The following L3MBTL4 variants were observed in gnomAD, a reference collection of about 807,000 sequenced individuals.
The protein encoded by L3MBTL4 is lethal(3)malignant brain tumor-like protein 4.
L3MBTL4 carries 70 observed loss-of-function variants against 84.5 expected under a neutral mutation model. The observed-to-expected ratio is 0.83, with a 90% CI of 0.68 to 1.01. L3MBTL4 has a LOEUF of 1.01. Among genes scored for constraint, L3MBTL4 ranks in the 50% least tolerant of loss-of-function variants. The probability of loss-of-function intolerance (pLI) is 0.00; values close to 1 mark genes in which losing one functional copy is unlikely to be tolerated. For missense variants in L3MBTL4, 715 were observed against 754.8 expected (o/e 0.95, Z 0.62); for synonymous variants, 274 against 259.8 (o/e 1.05, Z -0.52).
At chr18:6,022,961 C>T (rs773488216) in intron 16 of L3MBTL4, among the ~76,000 whole-genome samples, 13 of 152,116 alleles carry the variant, frequency 8.5e-5, no homozygotes, top group South Asian at 4.1e-4. Flanking sequence ...AGCCTCCTGA[C>T]CTTGCGTAAA....
At chr18:6,007,084 G>C (rs1399836899) in intron 16 of L3MBTL4, among the ~76,000 whole-genome samples, 2 of 151,858 alleles carry the variant, frequency 1.3e-5, no homozygotes, top group Non-Finnish European at 2.9e-5. Flanking sequence ...TGGTAAACAA[G>C]GGCAACTGAA....
intron 16 of L3MBTL4, among the ~76,000 whole-genome samples, chr18:5,978,235 C>T (rs1265614180): frequency 6.6e-6 from 1 of 152,186 alleles, no homozygotes; most frequent in Non-Finnish European, 1.5e-5. Context: ...AAATCTCACC[C>T]ACTCCTCAAT....
At chr18:6,277,847 C>G (rs1024826763) in intron 4 of L3MBTL4, among the ~76,000 whole-genome samples, 1 of 151,934 alleles carries the variant, frequency 6.6e-6, no homozygotes, top group Non-Finnish European at 1.5e-5. Context: ...TATATCCCAC[C>G]ACTTCAACAT....
At chr18:6,089,792 ATAGT>A (rs1220966115) in intron 15 of L3MBTL4, among the ~76,000 whole-genome samples, 1 of 152,212 alleles carries the variant, frequency 6.6e-6, no homozygotes, top group African/African-American at 2.4e-5. Context: ...TTAATAGTAG[ATAGT>A]TATTATCATT....
intron 12 of L3MBTL4, among the ~76,000 whole-genome samples, chr18:6,186,405 A>G (rs994685202): frequency 6.6e-6 from 1 of 151,926 alleles, no homozygotes; most frequent in Non-Finnish European, 1.5e-5. Context: ...TCCCCTAGGA[A>G]GGACGCATGG....
chr18:5,975,574 T>C (rs1374813327), intron 16 of L3MBTL4, among the ~76,000 whole-genome samples: 1 of 152,240 alleles, frequency 6.6e-6, no homozygotes, highest in Admixed American at 6.5e-5. Context: ...TCACCTGTTC[T>C]CATGCCCTGC....
At chr18:6,144,781 A>G (rs1050840846) in intron 13 of L3MBTL4, among the ~76,000 whole-genome samples, 7 of 152,196 alleles carry the variant, frequency 4.6e-5, no homozygotes, top group Non-Finnish European at 8.8e-5. Flanking sequence ...AAGGGCGAAG[A>G]TGAGACTGGT....
Position 6,225,375 on chromosome 18 carries a change from T to A in L3MBTL4, c.785-9540A>T, listed in dbSNP as rs2046736473. The stretch of plus-strand genomic sequence containing the variant: ...CCTGCCCAAGTGCTCAAGGGAAAGG[T>A]TAGGAGTGAAGCACAAAACTGGAGA... On this transcript the variant is annotated intron_variant, in intron 10 of 18. Transcript: ENST00000317931. Among the ~76,000 whole-genome samples the A allele has an allele frequency of 2.0e-5, 3 of 152,196 alleles. No individual in the cohort carries two copies. The South Asian group carries it at 6.2e-4, about 32-fold the overall frequency.
At chr18:6,190,611 G>A (rs1159492283) in intron 12 of L3MBTL4, among the ~76,000 whole-genome samples, 2 of 152,088 alleles carry the variant, frequency 1.3e-5, no homozygotes, top group Non-Finnish European at 2.9e-5. Context: ...GACTATTTTA[G>A]GCACCAGGGA....
At chr18:6,268,806 A>T (rs343253) in intron 4 of L3MBTL4, among the ~76,000 whole-genome samples, 4,823 of 152,258 alleles carry the variant, frequency 0.032, 239 homozygotes, top group African/African-American at 0.11. Flanking sequence ...CCAGGTACTG[A>T]TTGGGATATG....
chr18:6,087,845 C>T (rs889752157), intron 15 of L3MBTL4, among the ~76,000 whole-genome samples: 1 of 152,122 alleles, frequency 6.6e-6, no homozygotes, highest in African/African-American at 2.4e-5. Flanking sequence ...ATATCTATAG[C>T]AATATCAATG....
At chr18:6,138,609 G>A (rs2060104088) in intron 13 of L3MBTL4, among the ~76,000 whole-genome samples, 1 of 152,156 alleles carries the variant, frequency 6.6e-6, no homozygotes, top group Non-Finnish European at 1.5e-5. Flanking sequence ...CTGGAATGCA[G>A]TGGCGCATCT....
chr18:6,084,420 A>T lies in L3MBTL4; in HGVS notation c.1374-3469T>A, dbSNP rs892325877. On this transcript the variant is annotated intron_variant, in intron 15 of 18. Transcript: ENST00000317931. ...CTATCTGACCCTTGTTCTAGAAGTT[A>T]AAAAAAAAATGGTCCATAAGTTCAA... Among the ~76,000 whole-genome samples the T allele has an allele frequency of 3.4e-4, 50 of 149,238 alleles. 2 individuals are homozygous for T. Among genetic ancestry groups the T allele is most frequent in the South Asian group, 1.7e-3 (8 of 4,696 alleles).
At chr18:6,223,546 A>C (rs2046651776) in intron 10 of L3MBTL4, among the ~76,000 whole-genome samples, 1 of 152,246 alleles carries the variant, frequency 6.6e-6, no homozygotes, top group African/African-American at 2.4e-5. Flanking sequence ...ACATGGGCTT[A>C]TGAACACATG....
chr18:6,199,736 T>C (rs1387175807), intron 12 of L3MBTL4, among the ~76,000 whole-genome samples: 1 of 152,186 alleles, frequency 6.6e-6, no homozygotes, highest in Non-Finnish European at 1.5e-5. Context: ...CTCTATGACC[T>C]TGTTCTTGAA....
Position 6,138,178 on chromosome 18 carries a change from A to C in L3MBTL4, c.1199+16T>G. 6.4e-7 allele frequency: 1 copy of C among 1,560,688 alleles called. No homozygotes were observed. The highest frequency in any genetic ancestry group is 8.8e-7 in the Non-Finnish European group (1 of 1,135,448). On this transcript the variant is annotated intron_variant, in intron 14 of 18. Coordinates refer to ENST00000317931, the MANE Select transcript of L3MBTL4 (RefSeq NM_001330559.2). ...TCCATTCATCCAGGAAATAACTTAA[A>C]TAAGAAAAATGTTACCTGTGATGTC...
At chr18:6,170,071 A>C (rs952579942) in intron 13 of L3MBTL4, among the ~76,000 whole-genome samples, 4 of 152,146 alleles carry the variant, frequency 2.6e-5, no homozygotes, top group Non-Finnish European at 4.4e-5. Flanking sequence ...TTATAAATTC[A>C]TGCGATAGAT....
chr18:6,333,502 G>C lies in L3MBTL4; in HGVS notation c.-90-21446C>G, dbSNP rs189172548. Among the ~76,000 whole-genome samples, 41 of 151,766 alleles carry C rather than the reference G, an allele frequency of 2.7e-4. No homozygotes were observed. In the East Asian group the frequency reaches 7.8e-3, roughly 29 times the overall value. On this transcript the variant is annotated intron_variant, in intron 1 of 18. Transcript: ENST00000317931. Reference sequence around the variant, plus strand: ...AGGCAGGAGAATCAATTGAACCTGGGAGGCGGAGGTTGCAGTGAGCCAAGA... The same window carrying C: ...AGGCAGGAGAATCAATTGAACCTGGCAGGCGGAGGTTGCAGTGAGCCAAGA...
intron 13 of L3MBTL4, among the ~76,000 whole-genome samples, chr18:6,149,338 G>C (rs1474638866): frequency 6.6e-6 from 1 of 151,588 alleles, no homozygotes; most frequent in Non-Finnish European, 1.5e-5. Context: ...TGAGAATGAT[G>C]GTTTCCAGTT....
Sources: gnomAD v4.1 joint callset for allele counts (sites outside exome capture counted in the v4.1 genomes callset) on GRCh38, gnomAD v4.1.1 for gene constraint, MANE v1.5 for transcripts, NCBI Gene and HGNC (gene_info 2026-07-23, HGNC 2026-07-21) for gene names.